Variants in LAMB1 observed in about 807,000 individuals in gnomAD.
LAMB1 encodes the protein laminin subunit beta-1.
In LAMB1, 121 loss-of-function variants were observed where a neutral mutation model predicts 222.3. The ratio of observed to expected loss-of-function variants is 0.54; its 90% CI spans 0.47 to 0.63. The LOEUF is 0.63. Ranked by LOEUF, LAMB1 falls within the 30% of genes least tolerant of loss-of-function variation. The pLI, the probability that LAMB1 is intolerant of heterozygous loss-of-function variation, is 0.00. For missense variants in LAMB1, 2,172 were observed against 2,240.8 expected, an observed-to-expected ratio of 0.97 and a Z score of 0.62; for synonymous variants, 794 against 807.2, an observed-to-expected ratio of 0.98 and a Z score of 0.28.
intron 27 of LAMB1, 174 bp downstream of exon 27, chr7:107,935,241 C>G: frequency 2.2e-6 from 2 of 909,712 alleles, no homozygotes; most frequent in South Asian, 3.4e-5. Context: ...GTCTTGGTTA[C>G]AGATACCCCA....
At chr7:107,999,557 G>A (rs924327488) in intron 3 of LAMB1, among the ~76,000 whole-genome samples, 16 of 152,048 alleles carry the variant, frequency 1.1e-4, no homozygotes, top group African/African-American at 3.9e-4. Flanking sequence ...TTTGGAGACT[G>A]GCAAGATGTA....
At position 107,937,317 on chromosome 7, in the gene LAMB1, C is replaced by G. The variant is rs1366568526; in HGVS notation, c.3762-40G>C. 6.5e-6 allele frequency: 10 copies of G among 1,529,492 alleles called. No homozygotes were observed. In the South Asian group the frequency reaches 1.1e-4, roughly 17 times the overall value. The allele number at this position is 1,529,492 out of a possible 1,614,324, so 94.7% of individuals were successfully genotyped here. Reference sequence around the variant, plus strand: ...TTAAGCTTACTTACATAAAATAAACCCAAGGGAGAACTTTCACGTTTCATA... The same window carrying G: ...TTAAGCTTACTTACATAAAATAAACGCAAGGGAGAACTTTCACGTTTCATA... On this transcript the variant is annotated intron_variant, in intron 25 of 33. Transcript: ENST00000222399.
chr7:107,969,769 T>C (rs925989371), intron 13 of LAMB1, among the ~76,000 whole-genome samples: 17 of 152,206 alleles, frequency 1.1e-4, no homozygotes, highest in Non-Finnish European at 1.2e-4. Flanking sequence ...CCATAGGCAA[T>C]TGTAACACAA....
At chr7:107,941,597 ATCC>A (rs2032982566) in intron 24 of LAMB1, among the ~76,000 whole-genome samples, 1 of 152,086 alleles carries the variant, frequency 6.6e-6, no homozygotes, top group Non-Finnish European at 1.5e-5. Flanking sequence ...AAAGAAAATA[ATCC>A]TCCTGAAGTG....
intron 27 of LAMB1, chr7:107,932,731 T>TA (rs34341036): frequency 0.057 from 14,577 of 257,582 alleles, 1,639 homozygotes; most frequent in African/African-American, 0.28. Context: ...AGTTAGAGTT[T>TA]AAAAAAAAAA....
chr7:107,999,361 T>C (rs1361908952), intron 3 of LAMB1, among the ~76,000 whole-genome samples: 1 of 152,190 alleles, frequency 6.6e-6, no homozygotes, highest in South Asian at 2.1e-4. Context: ...TGTACCTACA[T>C]TTTCTGAAAT....
chr7:107,950,428 T>C (rs1335046847), intron 24 of LAMB1, among the ~76,000 whole-genome samples: 1 of 152,234 alleles, frequency 6.6e-6, no homozygotes, highest in Non-Finnish European at 1.5e-5. Flanking sequence ...ATATTTTGAC[T>C]TTAAGATCTG....
At chr7:107,960,862 A>G (rs563286096) in intron 17 of LAMB1, among the ~76,000 whole-genome samples, 2 of 152,240 alleles carry the variant, frequency 1.3e-5, no homozygotes, top group East Asian at 3.9e-4. Context: ...TTTAAATGCT[A>G]TTTATTTTTA....
rs968942711 is a variant in LAMB1 at position 107,929,198 on chromosome 7, C to T, written c.4753G>A (p.Ala1585Thr). The change falls in exon 31 of 34, where the codon GCA (alanine) becomes ACA (threonine). Residue 1585 changes from alanine (A) to threonine (T), a missense_variant. Physicochemically the swap from Ala to Thr is moderately conservative, Grantham distance 58. Coordinates refer to ENST00000222399, the MANE Select transcript of LAMB1 (RefSeq NM_002291.3). ...LEEAKRASKS[A>T]TDVKVTADMV... Reference sequence around the variant, plus strand: ...TCTGCAGTGACTTTAACATCTGTTGCACTTTTGCTGAGTAAAAAATAATGA... The same window carrying T: ...TCTGCAGTGACTTTAACATCTGTTGTACTTTTGCTGAGTAAAAAATAATGA... The T allele has an allele frequency of 1.2e-6, 2 of 1,613,972 alleles. No individual in the cohort carries two copies. The highest frequency in any genetic ancestry group is 8.5e-7 in the Non-Finnish European group (1 of 1,179,942).
chr7:107,953,392 T>G (rs2033301685), intron 22 of LAMB1, 138 bp downstream of exon 22: 1 of 692,276 alleles, frequency 1.4e-6, no homozygotes, highest in Non-Finnish European at 2.4e-6. Flanking sequence ...TCATCTTTCC[T>G]TAGTTGAAAG....
intron 24 of LAMB1, among the ~76,000 whole-genome samples, chr7:107,941,065 G>A (rs576607625): frequency 4.6e-5 from 7 of 152,238 alleles, no homozygotes; most frequent in Non-Finnish European, 8.8e-5. Flanking sequence ...ACCACTGCCA[G>A]TACTACAAGC....
At position 107,932,342 on chromosome 7, in the gene LAMB1, C is replaced by G; in HGVS notation, c.4224G>C (p.Glu1408Asp). ...CGTPPGASCSETECGGPNCRT... is the reference protein window; with the variant it reads ...CGTPPGASCSDTECGGPNCRT... ...TGCAGTTTGGCCCGCCACATTCAGT[C>G]TCGGAACAGGAGGCCCCTGGGGGTG... Residue 1408 changes from glutamate (E) to aspartate (D), a missense_variant, in exon 28 of 34, where the codon GAG becomes GAC. By Grantham distance (45) the Glu-to-Asp change is conservative. Coordinates refer to ENST00000222399, the MANE Select transcript of LAMB1 (RefSeq NM_002291.3). 6.2e-7 allele frequency: 1 copy of G among 1,614,244 alleles called. No homozygotes were observed. The highest frequency in any genetic ancestry group is 8.5e-7 in the Non-Finnish European group (1 of 1,180,042).
At chr7:107,972,606 AAG>A (rs2033771641) in intron 13 of LAMB1, among the ~76,000 whole-genome samples, 1 of 152,170 alleles carries the variant, frequency 6.6e-6, no homozygotes, top group Non-Finnish European at 1.5e-5. Flanking sequence ...AAAAGAAAAA[AAG>A]AAAATGAAAA....
Position 107,959,324 on chromosome 7 carries a change from T to C in LAMB1, c.2615A>G (p.His872Arg). ...PSCQPCQCNG[H>R]ADDCDPVTGE... The stretch of plus-strand genomic sequence containing the variant: ...AGTCACTGGGTCGCAGTCATCGGCG[T>C]GGCCATTGCACTGGCAGGGCTGGCA... The change falls in exon 20 of 34, where the codon CAC (histidine) becomes CGC (arginine). Residue 872 changes from histidine (H) to arginine (R), a missense_variant. Coordinates refer to ENST00000222399, the MANE Select transcript of LAMB1 (RefSeq NM_002291.3). The C allele has an allele frequency of 6.2e-7, 1 of 1,614,224 alleles. No individual in the cohort carries two copies. The highest frequency in any genetic ancestry group is 8.5e-7 in the Non-Finnish European group (1 of 1,180,046).
intron 13 of LAMB1, among the ~76,000 whole-genome samples, chr7:107,966,159 CTT>C (rs2033631581): frequency 6.6e-6 from 1 of 152,016 alleles, no homozygotes; most frequent in South Asian, 2.1e-4. Context: ...CTGAAGTCCT[CTT>C]TTTGTGTATC....
chr7:107,965,542 G>T (rs976562082), intron 13 of LAMB1, among the ~76,000 whole-genome samples: 5 of 152,280 alleles, frequency 3.3e-5, no homozygotes, highest in Non-Finnish European at 7.4e-5. Context: ...TCACGCCATT[G>T]CACTCCAGCC....
chr7:107,970,515 G>A (rs997621629), intron 13 of LAMB1, among the ~76,000 whole-genome samples: 6 of 142,042 alleles, frequency 4.2e-5, no homozygotes, highest in African/African-American at 1.3e-4. Context: ...AGGGGGGGGT[G>A]GGCTTCAAGC....
At position 107,932,219 on chromosome 7, in the gene LAMB1, T is replaced by C; in HGVS notation, c.4347A>G (p.Gln1449=). 2.5e-6 allele frequency: 4 copies of C among 1,614,240 alleles called. No individual in the cohort carries two copies. The South Asian group carries it at 3.3e-5, about 13-fold the overall frequency. ...CTTCAGCCAGGGCACTCAGGACATC[T>C]TGGTCCAAGTCCATGGCTTTCTGCC... The part of the protein sequence containing the change: ...NAWQKAMDLD[Q]DVLSALAEVE... Residue 1449 remains glutamine, a synonymous_variant, in exon 28 of 34, where the codon CAA becomes CAG. Coordinates refer to ENST00000222399, the MANE Select transcript of LAMB1 (RefSeq NM_002291.3).
rs746368115 is a variant in LAMB1 at position 107,998,471 on chromosome 7, A to G, written c.235T>C (p.Cys79Arg). ...HLQEDKKCFI[C>R]NSQDPYHETL... ...TCATGATAAGGATCTTGGGAATTGC[A>G]TATGAAGCATTTTTTGTCCTCCTAC... The change falls in exon 4 of 34, where the codon TGC (cysteine) becomes CGC (arginine). Residue 79 changes from cysteine (C) to arginine (R), a missense_variant. Physicochemically the swap from Cys to Arg is radical, Grantham distance 180. Coordinates refer to ENST00000222399, the MANE Select transcript of LAMB1 (RefSeq NM_002291.3). 1 of 1,613,888 alleles carries G rather than the reference A, an allele frequency of 6.2e-7. No individual in the cohort carries two copies. Among genetic ancestry groups the G allele is most frequent in the South Asian group, 1.1e-5 (1 of 90,994 alleles).
Sources: allele counts gnomAD v4.1 joint callset (sites outside exome capture counted in the v4.1 genomes callset), GRCh38; gene constraint gnomAD v4.1.1; transcripts MANE v1.5; gene names NCBI Gene and HGNC (gene_info 2026-07-23, HGNC 2026-07-21).